GPR161: variants seen among roughly 807,000 people sequenced by gnomAD.
GPR161 encodes G protein-coupled receptor 161, also known as G-protein coupled receptor RE2.
GPR161 carries 25 observed loss-of-function variants against 39.2 expected under a neutral mutation model. The ratio of observed to expected loss-of-function variants is 0.64; its 90% CI spans 0.47 to 0.89. GPR161 has a LOEUF of 0.89. GPR161 is among the 40% of genes least tolerant of loss of function. The pLI is 0.00. For missense variants in GPR161, 547 were observed against 677.8 expected (o/e 0.81, Z 2.14); for synonymous variants, 286 against 276.6 (o/e 1.03, Z -0.34).
intron 1 of GPR161, among the ~76,000 whole-genome samples, chr1:168,110,527 AGAAAG>A (rs200914627): frequency 0.035 from 3,934 of 111,842 alleles, 611 homozygotes; most frequent in African/African-American, 0.12. Flanking sequence ...AAAAAACGAA[AGAAAG>A]GAAAGGAAAG....
chr1:168,132,018 A>T (rs528287902), intron 1 of GPR161, among the ~76,000 whole-genome samples: 37 of 152,382 alleles, frequency 2.4e-4, no homozygotes, highest in Non-Finnish European at 4.7e-4. Flanking sequence ...TAATTCCAGC[A>T]TTTTGGGAGG....
intron 1 of GPR161, among the ~76,000 whole-genome samples, chr1:168,128,011 G>A (rs1162850898): frequency 6.6e-6 from 1 of 152,176 alleles, no homozygotes; most frequent in Admixed American, 6.5e-5. Context: ...AGCTGCTGCA[G>A]CTACCACACA....
chr1:168,101,290 C>T lies in GPR161; in HGVS notation c.374+3187G>A, dbSNP rs111895969. Among the ~76,000 whole-genome samples, 441 of 152,272 alleles carry T rather than the reference C, an allele frequency of 2.9e-3. 1 individual carries two copies. Among genetic ancestry groups the T allele is most frequent in the African/African-American group, 0.01 (419 of 41,532 alleles). On this transcript the variant is annotated intron_variant, in intron 2 of 5. Transcript: ENST00000682931. ...GCAGCCAGTTTCTTTAGCTAAGGTT[C>T]TCAGCTGGGAACCCCTGGGTATACG... is the stretch of plus-strand genomic sequence containing the variant.
intron 1 of GPR161, chr1:168,135,114 A>AG: frequency 7.0e-7 from 1 of 1,433,842 alleles, no homozygotes; most frequent in Non-Finnish European, 9.2e-7. Context: ...CCTCTTAATG[A>AG]GGGGTCTCTA....
intron 2 of GPR161, among the ~76,000 whole-genome samples, chr1:168,103,507 A>G (rs1275439933): frequency 6.6e-6 from 1 of 152,104 alleles, no homozygotes; most frequent in Non-Finnish European, 1.5e-5. Context: ...TGCAGCCACA[A>G]AGAGCTGCCA....
At chr1:168,134,983 C>T in intron 1 of GPR161, 3 of 1,535,592 alleles carry the variant, frequency 2.0e-6, no homozygotes, top group Admixed American at 2.0e-5. Flanking sequence ...GAGCTCGCAG[C>T]CCTCTGACCA....
intron 1 of GPR161, among the ~76,000 whole-genome samples, chr1:168,126,654 A>G (rs777964660): frequency 6.6e-6 from 1 of 151,976 alleles, no homozygotes; most frequent in Non-Finnish European, 1.5e-5. Context: ...GGGTTTTGCT[A>G]TGTTACCCAG....
intron 1 of GPR161, among the ~76,000 whole-genome samples, chr1:168,112,443 A>G (rs572915328): frequency 9.7e-4 from 129 of 133,012 alleles, no homozygotes; most frequent in African/African-American, 3.3e-3. Context: ...TCGCGCCACT[A>G]CACTCCAGCC....
rs143799014 is a variant in GPR161, at chr1:168,096,925, C to A, written c.682G>T (p.Val228Phe). 8 of 1,613,738 alleles carry A rather than the reference C, an allele frequency of 5.0e-6. No individual in the cohort carries two copies. In the Admixed American group the frequency reaches 1.3e-4, roughly 27 times the overall value. ...KARKVHCGTVVIVEEDAQRTG... is the reference protein window; with the variant it reads ...KARKVHCGTVFIVEEDAQRTG... ...CTCTGAGCATCCTCCTCCACGATGACGACTGTGCCACAGTGCACCTTGCGT... is the reference window on the plus strand; with the variant it reads ...CTCTGAGCATCCTCCTCCACGATGAAGACTGTGCCACAGTGCACCTTGCGT... Residue 228 changes from valine (V) to phenylalanine (F), a missense_variant, in exon 3 of 6, where the codon GTC becomes TTC. Coordinates refer to ENST00000682931, the MANE Select transcript of GPR161 (RefSeq NM_001375883.1).
At chr1:168,111,669 G>A (rs1697184225) in intron 1 of GPR161, among the ~76,000 whole-genome samples, 1 of 152,154 alleles carries the variant, frequency 6.6e-6, no homozygotes, top group Non-Finnish European at 1.5e-5. Flanking sequence ...GTTATGTGAA[G>A]TAATACATTT....
chr1:168,136,676 TG>T, intron 1 of GPR161, 62 bp downstream of exon 1: 3 of 1,147,112 alleles, frequency 2.6e-6, no homozygotes, highest in Non-Finnish European at 3.2e-6. Context: ...GAGTTTAGCC[TG>T]GCTCCATCCG....
chr1:168,105,228 A>G (rs1312973361), intron 1 of GPR161, among the ~76,000 whole-genome samples: 5 of 152,182 alleles, frequency 3.3e-5, no homozygotes, highest in African/African-American at 1.2e-4. Flanking sequence ...CTCCACCACT[A>G]GAGGTTCTGG....
intron 5 of GPR161, 144 bp downstream of exon 5, chr1:168,087,441 C>T (rs1694632983): frequency 1.0e-6 from 1 of 958,406 alleles, no homozygotes; most frequent in South Asian, 1.5e-5. Context: ...GTGAGACCAA[C>T]AGGGCTGGGA....
intron 1 of GPR161, among the ~76,000 whole-genome samples, chr1:168,124,666 G>T (rs775444050): frequency 4.3e-4 from 65 of 152,182 alleles, no homozygotes; most frequent in Non-Finnish European, 1.0e-4. Flanking sequence ...GACTGGTAAA[G>T]GTCATTTATA....
intron 1 of GPR161, chr1:168,133,814 G>T (rs998433587): frequency 2.3e-6 from 1 of 426,428 alleles, no homozygotes; most frequent in Non-Finnish European, 3.1e-6. Flanking sequence ...GTCCTAAAGT[G>T]AGAAATGTAG....
chr1:168,133,342 C>T (rs1018596957), intron 1 of GPR161, among the ~76,000 whole-genome samples: 11 of 152,108 alleles, frequency 7.2e-5, no homozygotes, highest in African/African-American at 2.4e-4. Context: ...TGTACATTTC[C>T]TTTGACCCAC....
chr1:168,110,741 T>C (rs6657306), intron 1 of GPR161, among the ~76,000 whole-genome samples: 69,884 of 151,550 alleles, frequency 0.46, 18,230 homozygotes, highest in African/African-American at 0.71. Context: ...CTGCCCAACA[T>C]GGTGAAACCC....
chr1:168,137,566 G>T, upstream of GPR161: 2 of 640,240 alleles, frequency 3.1e-6, no homozygotes, highest in South Asian at 1.8e-5. Flanking sequence ...AAAGGCCAGG[G>T]AGCAGTCATC....
rs10670498 is a variant in GPR161, at chr1:168,108,486, TAAAAAAA to T, written c.-44-3599_-44-3593del. Among the ~76,000 whole-genome samples, 19 of 17,474 alleles carry T rather than the reference TAAAAAAA, an allele frequency of 1.1e-3. 1 individual carries two copies. The highest frequency in any genetic ancestry group is 5.0e-3 in the Admixed American group (5 of 1,002). The allele number at this position is 17,474 out of a possible 152,430, so 11.5% of individuals were successfully genotyped here. ...ATTTTATCCACTGAGGCCCTAGTTG[TAAAAAAA>T]AAAAAAAAAAAAAAAAAAACTGGAA... On this transcript the variant is annotated intron_variant, in intron 1 of 5. Transcript: ENST00000682931.
Sources: gnomAD v4.1 joint callset for allele counts (sites outside exome capture counted in the v4.1 genomes callset) on GRCh38, gnomAD v4.1.1 for gene constraint, MANE v1.5 for transcripts, NCBI Gene and HGNC (gene_info 2026-07-23, HGNC 2026-07-21) for gene names.